The following ZFAT variants were observed in gnomAD, a reference collection of about 807,000 sequenced individuals.
ZFAT encodes zinc finger and AT-hook domain containing.
ZFAT carries 64 observed loss-of-function variants against 117.7 expected under a neutral mutation model. The ratio of observed to expected loss-of-function variants is 0.54; its 90% CI spans 0.44 to 0.67. ZFAT has a LOEUF of 0.67. Among genes scored for constraint, ZFAT ranks in the 30% least tolerant of loss-of-function variants. The probability of loss-of-function intolerance (pLI) is 0.00; values close to 1 mark genes in which losing one functional copy is unlikely to be tolerated. For missense variants in ZFAT, 1,433 were observed against 1,584.5 expected (o/e 0.90, Z 1.62); for synonymous variants, 679 against 615.0 (o/e 1.10, Z -1.54).
chr8:134,499,764 G>T (rs763261392), intron 15 of ZFAT, among the ~76,000 whole-genome samples: 5 of 152,262 alleles, frequency 3.3e-5, no homozygotes, highest in Non-Finnish European at 5.9e-5. Context: ...AGTAGCAAGG[G>T]CTTAACTGAA....
intron 1 of ZFAT, among the ~76,000 whole-genome samples, chr8:134,696,859 G>A (rs1462129061): frequency 3.3e-5 from 5 of 152,160 alleles, no homozygotes; most frequent in Admixed American, 6.5e-5. Flanking sequence ...TGGACTCTAC[G>A]TATCTCTCTC....
chr8:134,595,111 G>A (rs949275687), intron 7 of ZFAT, among the ~76,000 whole-genome samples: 1 of 152,194 alleles, frequency 6.6e-6, no homozygotes, highest in Non-Finnish European at 1.5e-5. Context: ...CACTAAATAT[G>A]TATTTAAGGA....
intron 1 of ZFAT, among the ~76,000 whole-genome samples, chr8:134,694,147 G>C (rs1002262236): frequency 6.6e-6 from 1 of 152,174 alleles, no homozygotes; most frequent in African/African-American, 2.4e-5. Context: ...GGAACGCGGG[G>C]CGCAGCTGAG....
rs189479106 is a variant in ZFAT at position 134,613,327 on chromosome 8, C to T, written c.449-2672G>A. 6.6e-5 allele frequency among the ~76,000 whole-genome samples: 10 copies of T among 152,262 alleles called. No homozygotes were observed. The East Asian group carries it at 1.3e-3, about 21-fold the overall frequency. Reference sequence around the variant, plus strand: ...TAAGAAGCAGCTGAAGAGATCACCACGCTCTGCAACGGATAAACTGTGTCT... The same window carrying T: ...TAAGAAGCAGCTGAAGAGATCACCATGCTCTGCAACGGATAAACTGTGTCT... On this transcript the variant is annotated intron_variant, in intron 3 of 15. Transcript: ENST00000377838.
At chr8:134,624,179 T>TGC (rs200690783) in intron 3 of ZFAT, among the ~76,000 whole-genome samples, 851 of 81,804 alleles carry the variant, frequency 0.01, 9 homozygotes, top group African/African-American at 0.037. Flanking sequence ...CATGTGCACA[T>TGC]GCACACACAC....
chr8:134,480,573 T>A (rs572392888), intron 15 of ZFAT, among the ~76,000 whole-genome samples: 1 of 152,354 alleles, frequency 6.6e-6, no homozygotes, highest in South Asian at 2.1e-4. Flanking sequence ...GCACAGTGAA[T>A]GACTGTGCTG....
intron 3 of ZFAT, among the ~76,000 whole-genome samples, chr8:134,628,148 T>C (rs777609958): frequency 1.3e-5 from 2 of 152,004 alleles, no homozygotes; most frequent in African/African-American, 2.4e-5. Flanking sequence ...TGGCATTCCA[T>C]AGAGAAGGGA....
chr8:134,729,273 T>C, the ZFAT span, among the ~76,000 whole-genome samples: 4 of 152,214 alleles, frequency 2.6e-5, no homozygotes, highest in South Asian at 2.1e-4. Flanking sequence ...CTCTGTAAAA[T>C]TGGGAGATGG....
intron 12 of ZFAT, among the ~76,000 whole-genome samples, chr8:134,524,094 T>C (rs900225665): frequency 2.6e-5 from 4 of 152,208 alleles, no homozygotes; most frequent in African/African-American, 9.6e-5. Flanking sequence ...CTCTGGGTCT[T>C]GGCAAGTCCT....
chr8:134,715,597 C>A (rs939445812), upstream of ZFAT, among the ~76,000 whole-genome samples: 8 of 152,184 alleles, frequency 5.3e-5, no homozygotes, highest in Non-Finnish European at 8.8e-5. Context: ...AGAATGCCTT[C>A]AATTAATGAA....
At chr8:134,787,295 T>G in the ZFAT span, among the ~76,000 whole-genome samples, 14 of 150,858 alleles carry the variant, frequency 9.3e-5, no homozygotes, top group African/African-American at 3.4e-4. Flanking sequence ...CTCTCCTGTT[T>G]CATTATTTCC....
chr8:134,783,005 T>TATATATATA, the ZFAT span, among the ~76,000 whole-genome samples: 2 of 152,054 alleles, frequency 1.3e-5, no homozygotes, highest in African/African-American at 4.8e-5. Flanking sequence ...ACACACACAT[T>TATATATATA]TATTTTCAAC....
chr8:134,684,913 G>A (rs549262891), intron 1 of ZFAT, among the ~76,000 whole-genome samples: 9 of 152,288 alleles, frequency 5.9e-5, no homozygotes, highest in Admixed American at 4.6e-4. Flanking sequence ...AGGCCAGCCA[G>A]GAAAAGGCAC....
At chr8:134,708,226 T>C (rs1813858501) in intron 1 of ZFAT, among the ~76,000 whole-genome samples, 1 of 152,190 alleles carries the variant, frequency 6.6e-6, no homozygotes, top group Admixed American at 6.5e-5. Flanking sequence ...AAAGCCTCAA[T>C]TAGACAAGAG....
chr8:134,645,098 G>C (rs1830805327), intron 2 of ZFAT, among the ~76,000 whole-genome samples: 1 of 152,182 alleles, frequency 6.6e-6, no homozygotes. Flanking sequence ...GAAGGAAAAT[G>C]AAAGGTCTTT....
chr8:134,517,930 C>A (rs1254341456), intron 13 of ZFAT, among the ~76,000 whole-genome samples: 2 of 152,176 alleles, frequency 1.3e-5, no homozygotes, highest in Non-Finnish European at 2.9e-5. Flanking sequence ...CAGCATGCTT[C>A]ATTACTGATG....
At chr8:134,623,931 G>A (rs949210971) in intron 3 of ZFAT, among the ~76,000 whole-genome samples, 60 of 151,928 alleles carry the variant, frequency 3.9e-4, no homozygotes, top group African/African-American at 1.4e-3. Flanking sequence ...AATACCTTGT[G>A]GAGCACCCAC....
intron 3 of ZFAT, among the ~76,000 whole-genome samples, chr8:134,632,740 A>G (rs1829970881): frequency 6.6e-6 from 1 of 152,280 alleles, no homozygotes; most frequent in African/African-American, 2.4e-5. Flanking sequence ...GCAATGCTAC[A>G]AAGAAAATTA....
chr8:134,772,740 A>G, the ZFAT span, among the ~76,000 whole-genome samples: 114,086 of 152,090 alleles, frequency 0.75, 43,095 homozygotes, highest in African/African-American at 0.84. Flanking sequence ...AACTTTAATA[A>G]TGAGAGAGAA....
Sources: allele counts gnomAD v4.1 joint callset (sites outside exome capture counted in the v4.1 genomes callset), GRCh38; gene constraint gnomAD v4.1.1; transcripts MANE v1.5; gene names NCBI Gene and HGNC (gene_info 2026-07-23, HGNC 2026-07-21).